ANAPC10: variants seen among roughly 807,000 people sequenced by gnomAD.
ANAPC10 encodes anaphase promoting complex subunit 10.
A neutral mutation model predicts 22.0 loss-of-function variants in ANAPC10; 12 were observed. The observed-to-expected ratio is 0.55, with a 90% CI of 0.35 to 0.88. ANAPC10 has a LOEUF of 0.88. ANAPC10 is among the 40% of genes least tolerant of loss of function. The pLI, the probability that ANAPC10 is intolerant of heterozygous loss-of-function variation, is 0.01. For synonymous variants in ANAPC10, 65 were observed against 69.5 expected (o/e 0.94, Z 0.32); for missense variants, 188 against 220.9 (o/e 0.85, Z 0.94).
chr4:145,050,706 T>C lies in ANAPC10; in HGVS notation c.327+13866A>G, dbSNP rs186418753. On this transcript the variant is annotated intron_variant, in intron 4 of 4. Coordinates refer to ENST00000507656, the MANE Select transcript of ANAPC10 (RefSeq NM_001256706.2). ...ACCTGGCTCTTTTATGTTATGCAGATGGCTTCTTCACTGAAACCTCATGAA... is the reference window on the plus strand; with the variant it reads ...ACCTGGCTCTTTTATGTTATGCAGACGGCTTCTTCACTGAAACCTCATGAA... Among the ~76,000 whole-genome samples, 25 of 152,366 alleles carry C rather than the reference T, an allele frequency of 1.6e-4. No homozygotes were observed. In the East Asian group the frequency reaches 4.2e-3, roughly 26 times the overall value.
rs79169685 is a variant in ANAPC10, at chr4:145,051,908, C to T, written c.327+12664G>A. Among the ~76,000 whole-genome samples, 1,446 of 152,204 alleles carry T rather than the reference C, an allele frequency of 9.5e-3. 11 individuals carry two copies. The highest frequency in any genetic ancestry group is 0.013 in the Non-Finnish European group (866 of 68,010). ...TAATCGCAGAGTACCTTTTAGTCAACCTCAGAGGATTTCACATAGTCTGAT... is the reference window on the plus strand; with the variant it reads ...TAATCGCAGAGTACCTTTTAGTCAATCTCAGAGGATTTCACATAGTCTGAT... On this transcript the variant is annotated intron_variant, in intron 4 of 4. Transcript: ENST00000507656.
chr4:145,043,045 G>C (rs1028622212), intron 4 of ANAPC10, among the ~76,000 whole-genome samples: 2 of 151,844 alleles, frequency 1.3e-5, no homozygotes, highest in African/African-American at 4.8e-5. Context: ...CAAAGGTTCA[G>C]TTTACAAGGA....
At chr4:145,060,617 C>G (rs1269828310) in intron 4 of ANAPC10, among the ~76,000 whole-genome samples, 1 of 151,876 alleles carries the variant, frequency 6.6e-6, no homozygotes, top group African/African-American at 2.4e-5. Context: ...TCAATACACA[C>G]TACACTACAC....
At chr4:145,046,073 T>C (rs1222109984) in intron 4 of ANAPC10, among the ~76,000 whole-genome samples, 1 of 152,064 alleles carries the variant, frequency 6.6e-6, no homozygotes, top group Non-Finnish European at 1.5e-5. Flanking sequence ...ACCCTAAGCA[T>C]TTCTAAAAAT....
At chr4:145,017,535 G>C (rs1357852641) in intron 4 of ANAPC10, among the ~76,000 whole-genome samples, 1 of 152,214 alleles carries the variant, frequency 6.6e-6, no homozygotes, top group African/African-American at 2.4e-5. Flanking sequence ...CTGTGAACTA[G>C]TTCAACCATT....
chr4:145,098,544 C>T (rs578087062), upstream of ANAPC10: 686 of 152,470 alleles, frequency 4.5e-3, 1 homozygote, highest in African/African-American at 0.015. Flanking sequence ...CAGCGCGTGG[C>T]AGCGGTTCCT....
At chr4:145,009,699 G>C (rs1218537207) in intron 4 of ANAPC10, among the ~76,000 whole-genome samples, 1 of 152,136 alleles carries the variant, frequency 6.6e-6, no homozygotes, top group African/African-American at 2.4e-5. Context: ...TTAAATGTTA[G>C]ACCTAAAACC....
At chr4:145,051,991 A>G (rs1741173428) in intron 4 of ANAPC10, among the ~76,000 whole-genome samples, 2 of 152,228 alleles carry the variant, frequency 1.3e-5, no homozygotes, top group South Asian at 4.1e-4. Flanking sequence ...ATATGATTTT[A>G]AGTAACATTT....
At chr4:145,009,976 G>GA (rs1324708484) in intron 4 of ANAPC10, among the ~76,000 whole-genome samples, 6 of 152,138 alleles carry the variant, frequency 3.9e-5, no homozygotes, top group East Asian at 1.9e-4. Flanking sequence ...AAATTTACAA[G>GA]AAAAAATCAA....
intron 4 of ANAPC10, among the ~76,000 whole-genome samples, chr4:145,045,510 C>T (rs1740169655): frequency 6.6e-6 from 1 of 152,058 alleles, no homozygotes; most frequent in Non-Finnish European, 1.5e-5. Flanking sequence ...TTACAGAATA[C>T]TGCCAAGTTC....
At chr4:145,034,545 G>A (rs897334) in intron 4 of ANAPC10, among the ~76,000 whole-genome samples, 79,907 of 104,820 alleles carry the variant, frequency 0.76, 31,076 homozygotes, top group South Asian at 0.89. Flanking sequence ...ATATATATAT[G>A]TGTGTGTGTG....
intron 3 of ANAPC10, among the ~76,000 whole-genome samples, chr4:145,074,792 T>C (rs1744962132): frequency 6.6e-6 from 1 of 152,208 alleles, no homozygotes; most frequent in Non-Finnish European, 1.5e-5. Context: ...TTATCTTTGA[T>C]CAGTTCCAAT....
At chr4:145,039,874 G>GT (rs992052174) in intron 4 of ANAPC10, among the ~76,000 whole-genome samples, 77 of 152,026 alleles carry the variant, frequency 5.1e-4, no homozygotes, top group African/African-American at 1.8e-3. Context: ...AATTACAGGC[G>GT]TAAGTCACTG....
At chr4:145,003,802 A>G (rs1371133761) in intron 4 of ANAPC10, among the ~76,000 whole-genome samples, 2 of 152,148 alleles carry the variant, frequency 1.3e-5, no homozygotes, top group Non-Finnish European at 2.9e-5. Context: ...CTTCTTGTGT[A>G]AGATCATCTT....
intron 4 of ANAPC10, among the ~76,000 whole-genome samples, chr4:145,005,278 T>G (rs533238264): frequency 6.6e-6 from 1 of 152,156 alleles, no homozygotes; most frequent in Non-Finnish European, 1.5e-5. Flanking sequence ...CATAATAGTC[T>G]CTCAGGGATT....
chr4:145,046,931 C>T (rs1740394618), intron 4 of ANAPC10, among the ~76,000 whole-genome samples: 2 of 151,874 alleles, frequency 1.3e-5, no homozygotes, highest in Admixed American at 1.3e-4. Flanking sequence ...CAGTCATGTA[C>T]GAGTAAGGAT....
intron 4 of ANAPC10, among the ~76,000 whole-genome samples, chr4:145,001,320 G>C (rs911168196): frequency 1.3e-5 from 2 of 151,990 alleles, no homozygotes; most frequent in African/African-American, 4.8e-5. Flanking sequence ...CTACAACATG[G>C]ATGAACCTTG....
chr4:145,097,092 C>T (rs1223400089), intron 1 of ANAPC10, among the ~76,000 whole-genome samples: 1 of 152,174 alleles, frequency 6.6e-6, no homozygotes, highest in East Asian at 1.9e-4. Flanking sequence ...CACCTGTAGT[C>T]CCAGGGGGGC....
intron 4 of ANAPC10, among the ~76,000 whole-genome samples, chr4:145,001,770 T>C (rs528656430): frequency 2.9e-4 from 44 of 152,276 alleles, no homozygotes; most frequent in Middle Eastern, 3.4e-3. Flanking sequence ...GACATCGACA[T>C]CTCTCAGTCT....
Sources: gnomAD v4.1 joint callset for allele counts (sites outside exome capture counted in the v4.1 genomes callset) on GRCh38, gnomAD v4.1.1 for gene constraint, MANE v1.5 for transcripts, NCBI Gene and HGNC (gene_info 2026-07-23, HGNC 2026-07-21) for gene names.